CCBE1: variants seen among roughly 807,000 people sequenced by gnomAD.
CCBE1 encodes the protein collagen and calcium binding EGF domains 1.
In CCBE1, 37 loss-of-function variants were observed where a neutral mutation model predicts 50.0. The ratio of observed to expected loss-of-function variants is 0.74; its 90% CI spans 0.57 to 0.97. The LOEUF (loss-of-function observed/expected upper bound fraction) is 0.97, where lower values mean the gene tolerates loss of function less well. Among genes scored for constraint, CCBE1 ranks in the 50% least tolerant of loss-of-function variants. The probability of loss-of-function intolerance (pLI) is 0.00; values close to 1 mark genes in which losing one functional copy is unlikely to be tolerated. For synonymous variants in CCBE1, 234 were observed against 203.7 expected (o/e 1.15, Z -1.27); for missense variants, 538 against 523.8 (o/e 1.03, Z -0.26).
chr18:59,486,391 G>A (rs1011233219), intron 2 of CCBE1, among the ~76,000 whole-genome samples: 2 of 152,124 alleles, frequency 1.3e-5, no homozygotes, highest in Non-Finnish European at 2.9e-5. Flanking sequence ...AGAAATAGGG[G>A]GAAGACAAGT....
At chr18:59,513,443 A>T (rs1914225052) in intron 2 of CCBE1, among the ~76,000 whole-genome samples, 1 of 152,244 alleles carries the variant, frequency 6.6e-6, no homozygotes, top group East Asian at 1.9e-4. Context: ...GCTGTCCAGG[A>T]AAGGACGCTT....
At chr18:59,570,079 C>G (rs549532139) in intron 2 of CCBE1, among the ~76,000 whole-genome samples, 119 of 152,338 alleles carry the variant, frequency 7.8e-4, no homozygotes, top group African/African-American at 2.8e-3. Flanking sequence ...ACAAGCTCTT[C>G]CTGAACACAC....
chr18:59,436,172 T>A, intron 10 of CCBE1, 31 bp from the exon 11 acceptor site: 15 of 1,600,704 alleles, frequency 9.4e-6, no homozygotes, highest in Non-Finnish European at 1.3e-5. Flanking sequence ...AAAGCTAGAA[T>A]ACGACAGACA....
chr18:59,436,778 G>A (rs1057094025), intron 10 of CCBE1, among the ~76,000 whole-genome samples: 1 of 152,096 alleles, frequency 6.6e-6, no homozygotes, highest in African/African-American at 2.4e-5. Context: ...AGACCAACCT[G>A]GAAAACATGG....
chr18:59,659,913 G>A (rs1333139085), intron 2 of CCBE1, among the ~76,000 whole-genome samples: 1 of 152,172 alleles, frequency 6.6e-6, no homozygotes, highest in Non-Finnish European at 1.5e-5. Flanking sequence ...TTCTAAGTTT[G>A]TGTCACTGAT....
At chr18:59,635,100 A>G (rs2053897989) in intron 2 of CCBE1, among the ~76,000 whole-genome samples, 1 of 152,260 alleles carries the variant, frequency 6.6e-6, no homozygotes, top group Non-Finnish European at 1.5e-5. Context: ...AAGTAGAGAC[A>G]GCAAAGCCAC....
chr18:59,683,079 T>C (rs1237837922), intron 2 of CCBE1, among the ~76,000 whole-genome samples: 3 of 152,248 alleles, frequency 2.0e-5, no homozygotes, highest in Admixed American at 6.5e-5. Flanking sequence ...TATTTTCATA[T>C]ACTTTCCTAG....
rs916070510 is a variant in CCBE1 at position 59,450,777 on chromosome 18, C to T, written c.655-2674G>A. Among the ~76,000 whole-genome samples the T allele has an allele frequency of 4.6e-5, 7 of 152,206 alleles. No individual in the cohort carries two copies. In the East Asian group the frequency reaches 5.8e-4, roughly 13 times the overall value. On this transcript the variant is annotated intron_variant, in intron 6 of 10. Coordinates refer to ENST00000439986, the MANE Select transcript of CCBE1 (RefSeq NM_133459.4). ...CTGTATCTCTTGACCTCAAGTGATC[C>T]GCCCGCCTTGGCTTCCCAAAGTACT...
chr18:59,592,834 A>C (rs530348244), intron 2 of CCBE1, among the ~76,000 whole-genome samples: 1 of 152,324 alleles, frequency 6.6e-6, no homozygotes, highest in East Asian at 1.9e-4. Context: ...CACAGTCAGC[A>C]AAATTCAAAT....
chr18:59,595,781 T>A (rs2053341876), intron 2 of CCBE1, among the ~76,000 whole-genome samples: 1 of 152,226 alleles, frequency 6.6e-6, no homozygotes, highest in Non-Finnish European at 1.5e-5. Flanking sequence ...GCAAAGGTAC[T>A]GTAAAGATTT....
intron 2 of CCBE1, among the ~76,000 whole-genome samples, chr18:59,569,334 G>A (rs1474653901): frequency 5.3e-5 from 8 of 152,152 alleles, no homozygotes; most frequent in Non-Finnish European, 1.2e-4. Context: ...TCCTAAAAAT[G>A]GTATATCTGG....
In CCBE1 at chr18:59,532,472, C is replaced by T. The variant is rs563550661; in HGVS notation, c.213-52234G>A. 2.6e-5 allele frequency among the ~76,000 whole-genome samples: 4 copies of T among 152,340 alleles called. No homozygotes were observed. The South Asian group carries it at 8.3e-4, about 32-fold the overall frequency. ...AATGTGGACCTGTACCAATAGCTTG[C>T]TTCACCTACAAGGCCGCTGGCTGTG... On this transcript the variant is annotated intron_variant, in intron 2 of 10. Coordinates refer to ENST00000439986, the MANE Select transcript of CCBE1 (RefSeq NM_133459.4).
intron 5 of CCBE1, chr18:59,465,041 G>C (rs1911675197): frequency 6.6e-6 from 1 of 152,242 alleles, no homozygotes; most frequent in Admixed American, 6.5e-5. Flanking sequence ...GTGGGTACAG[G>C]AGCTGGTGGC....
In CCBE1 at chr18:59,433,414, T is replaced by C. The variant is rs958678471; in HGVS notation, c.*2494A>G. Reference sequence around the variant, plus strand: ...TGTTAGTGGAGAGTCACCAGGAATTTTGCATAAATGAGACATAGAGGAGCA... The same window carrying C: ...TGTTAGTGGAGAGTCACCAGGAATTCTGCATAAATGAGACATAGAGGAGCA... On this transcript the variant is annotated 3_prime_UTR_variant, in exon 11 of 11. Coordinates refer to ENST00000439986, the MANE Select transcript of CCBE1 (RefSeq NM_133459.4). 9 of 151,958 alleles carry C rather than the reference T, an allele frequency of 5.9e-5. No individual in the cohort carries two copies. The highest frequency in any genetic ancestry group is 2.2e-4 in the African/African-American group (9 of 41,348). 9.4% of individuals were successfully genotyped at this position (151,958 alleles called of 1,614,324 possible). A position where few individuals can be genotyped will look rare whatever the true frequency, so the allele number is the denominator to read the frequency against.
intron 7 of CCBE1, among the ~76,000 whole-genome samples, chr18:59,446,361 G>C (rs567113457): frequency 1.3e-4 from 20 of 152,332 alleles, no homozygotes; most frequent in African/African-American, 4.6e-4. Context: ...TTCTCTTAGA[G>C]GAGGGTGGAG....
At chr18:59,568,253 A>G (rs2052859264) in intron 2 of CCBE1, 1 of 152,072 alleles carries the variant, frequency 6.6e-6, no homozygotes, top group Non-Finnish European at 1.5e-5. Context: ...GTGCCCTATA[A>G]GAAGATAACC....
intron 5 of CCBE1, chr18:59,462,321 G>A (rs1911524244): frequency 6.6e-6 from 1 of 152,162 alleles, no homozygotes; most frequent in East Asian, 1.9e-4. Context: ...GATCTTTGAT[G>A]CTAAGTTGAT....
At chr18:59,620,764 A>T (rs538783291) in intron 2 of CCBE1, among the ~76,000 whole-genome samples, 2 of 152,238 alleles carry the variant, frequency 1.3e-5, no homozygotes, top group East Asian at 3.9e-4. Flanking sequence ...TTCTGTCATG[A>T]TTGTGAGGCC....
chr18:59,547,925 G>A (rs147240318), intron 2 of CCBE1, among the ~76,000 whole-genome samples: 8 of 152,266 alleles, frequency 5.3e-5, no homozygotes, highest in African/African-American at 1.4e-4. Flanking sequence ...AAGAACACAC[G>A]GGCATTTTGG....
Sources: allele counts gnomAD v4.1 joint callset (sites outside exome capture counted in the v4.1 genomes callset), GRCh38; gene constraint gnomAD v4.1.1; transcripts MANE v1.5; gene names NCBI Gene and HGNC (gene_info 2026-07-23, HGNC 2026-07-21).